Variants in TRDN observed in about 807,000 individuals in gnomAD.
The protein encoded by TRDN is triadin.
A neutral mutation model predicts 149.7 loss-of-function variants in TRDN; 161 were observed. That is an observed-to-expected ratio of 1.08 (90% CI 0.95 to 1.23). The LOEUF (loss-of-function observed/expected upper bound fraction) is 1.23, where lower values mean the gene tolerates loss of function less well. TRDN is among the 50% of genes most tolerant of loss of function. The probability of loss-of-function intolerance (pLI) is 0.00; values close to 1 mark genes in which losing one functional copy is unlikely to be tolerated. For synonymous variants in TRDN, 294 were observed against 250.5 expected, an observed-to-expected ratio of 1.17 and a Z score of -1.64; for missense variants, 896 against 823.5, an observed-to-expected ratio of 1.09 and a Z score of -1.08.
intron 4 of TRDN, among the ~76,000 whole-genome samples, chr6:123,537,547 A>G (rs1780614126): frequency 6.6e-6 from 1 of 152,174 alleles, no homozygotes; most frequent in African/African-American, 2.4e-5. Context: ...CCAAGTGAAG[A>G]TTCACTTCAT....
intron 38 of TRDN, among the ~76,000 whole-genome samples, chr6:123,232,445 G>C (rs576652480): frequency 2.6e-5 from 4 of 152,000 alleles, no homozygotes; most frequent in Non-Finnish European, 4.4e-5. Context: ...TGAAAGAGTA[G>C]AGAGAAATTG....
chr6:123,527,824 G>T (rs1040905165), intron 5 of TRDN, among the ~76,000 whole-genome samples: 3 of 150,992 alleles, frequency 2.0e-5, no homozygotes, highest in Middle Eastern at 3.2e-3. Flanking sequence ...GGTACTGTAT[G>T]TGACCAATAC....
chr6:123,617,137 A>G lies in TRDN; in HGVS notation c.22+19617T>C, dbSNP rs139951949. The stretch of plus-strand genomic sequence containing the variant: ...CCACAGCAGTGTCAGCTTTCTATTA[A>G]TAGGCTCTTATCCAGCTGAAAATGT... On this transcript the variant is annotated intron_variant, in intron 1 of 40. Transcript: ENST00000334268. Among the ~76,000 whole-genome samples, 70 of 152,240 alleles carry G rather than the reference A, an allele frequency of 4.6e-4. No homozygotes were observed. The East Asian group carries it at 8.9e-3, about 19-fold the overall frequency.
chr6:123,570,440 G>A lies in TRDN; in HGVS notation c.232+483C>T, dbSNP rs111708466. Among the ~76,000 whole-genome samples, 356 of 152,264 alleles carry A rather than the reference G, an allele frequency of 2.3e-3. 1 individual carries two copies. The highest frequency in any genetic ancestry group is 7.9e-3 in the African/African-American group (328 of 41,536). On this transcript the variant is annotated intron_variant, in intron 2 of 40. Coordinates refer to ENST00000334268, the MANE Select transcript of TRDN (RefSeq NM_006073.4). Reference sequence around the variant, plus strand: ...TTCAGGAACTCAAAATAGGATGGCCGGTGGCAGAAGCAAAGAGTTTGTCTG... The same window carrying A: ...TTCAGGAACTCAAAATAGGATGGCCAGTGGCAGAAGCAAAGAGTTTGTCTG...
chr6:123,328,481 G>A (rs972931), intron 23 of TRDN, among the ~76,000 whole-genome samples: 86,072 of 152,024 alleles, frequency 0.57, 25,311 homozygotes, highest in East Asian at 0.77. Context: ...GGTTGTTGCC[G>A]TTTTTGTTTC....
At chr6:123,529,192 G>T in intron 5 of TRDN, 2 of 1,547,414 alleles carry the variant, frequency 1.3e-6, no homozygotes, top group South Asian at 2.4e-5. Flanking sequence ...AAATGGTGTG[G>T]AACCAGTTGA....
At chr6:123,501,693 C>T (rs906874473) in intron 8 of TRDN, 4 of 321,164 alleles carry the variant, frequency 1.2e-5, no homozygotes, top group African/African-American at 9.0e-5. Flanking sequence ...CTGAGACTTG[C>T]TTTAGCAATT....
chr6:123,562,298 T>C (rs142711991), intron 2 of TRDN, among the ~76,000 whole-genome samples: 427 of 152,364 alleles, frequency 2.8e-3, no homozygotes, highest in African/African-American at 9.9e-3. Flanking sequence ...ATAAACAGCC[T>C]TGTTGCTCAC....
At chr6:123,571,160 T>G in intron 1 of TRDN, 28 bp from the exon 2 acceptor site, 1 of 1,608,096 alleles carries the variant, frequency 6.2e-7, no homozygotes, top group South Asian at 1.1e-5. Flanking sequence ...AAGGAAAATA[T>G]AATTTAGAGA....
Position 123,577,785 on chromosome 6 carries a change from C to T in TRDN, c.23-6653G>A, listed in dbSNP as rs376267958. 5.3e-5 allele frequency among the ~76,000 whole-genome samples: 8 copies of T among 152,152 alleles called. 1 individual carries two copies. In the South Asian group the frequency reaches 1.5e-3, roughly 28 times the overall value. On this transcript the variant is annotated intron_variant, in intron 1 of 40. Coordinates refer to ENST00000334268, the MANE Select transcript of TRDN (RefSeq NM_006073.4). Reference sequence around the variant, plus strand: ...GTGTATAAGTGTTCCCTTTTCTTTGCGGCCTCACATCTGTTATTTTTTGAC... The same window carrying T: ...GTGTATAAGTGTTCCCTTTTCTTTGTGGCCTCACATCTGTTATTTTTTGAC...
intron 23 of TRDN, among the ~76,000 whole-genome samples, chr6:123,324,561 CA>C (rs1779371646): frequency 6.6e-6 from 1 of 152,086 alleles, no homozygotes; most frequent in Non-Finnish European, 1.5e-5. Flanking sequence ...AGACAGGTTG[CA>C]GTGAGATTGT....
chr6:123,289,255 A>T (rs184715160), intron 24 of TRDN, among the ~76,000 whole-genome samples: 91 of 151,810 alleles, frequency 6.0e-4, no homozygotes, highest in Middle Eastern at 3.4e-3. Flanking sequence ...CTGCATGATT[A>T]TATGTGGAAT....
intron 9 of TRDN, chr6:123,489,013 G>A (rs779403915): frequency 5.3e-5 from 8 of 151,928 alleles, no homozygotes; most frequent in Non-Finnish European, 1.2e-4. Flanking sequence ...TTAGCAACTG[G>A]TACTCACAGA....
At chr6:123,520,532 A>T (rs1380673352) in intron 5 of TRDN, among the ~76,000 whole-genome samples, 1 of 152,142 alleles carries the variant, frequency 6.6e-6, no homozygotes, top group Non-Finnish European at 1.5e-5. Context: ...TCTGTGATCT[A>T]CCTTCCAATA....
chr6:123,307,591 C>T (rs1283491779), intron 24 of TRDN, among the ~76,000 whole-genome samples: 1 of 151,878 alleles, frequency 6.6e-6, no homozygotes, highest in Non-Finnish European at 1.5e-5. Flanking sequence ...ACTGAAAATG[C>T]TCTCCAAACA....
chr6:123,478,153 T>G (rs1777586550), intron 9 of TRDN, among the ~76,000 whole-genome samples: 1 of 152,176 alleles, frequency 6.6e-6, no homozygotes, highest in African/African-American at 2.4e-5. Context: ...TAATCAACTA[T>G]TTGGACAGTC....
chr6:123,313,470 GT>G (rs889776236), intron 24 of TRDN, among the ~76,000 whole-genome samples: 1 of 151,726 alleles, frequency 6.6e-6, no homozygotes, highest in Non-Finnish European at 1.5e-5. Context: ...GGAGATTTTT[GT>G]TTGTTTGTTT....
chr6:123,375,041 A>G (rs758098402), intron 19 of TRDN, among the ~76,000 whole-genome samples: 11 of 152,196 alleles, frequency 7.2e-5, no homozygotes, highest in Admixed American at 6.5e-4. Flanking sequence ...CATCAAACTA[A>G]GAAATATCAA....
At chr6:123,489,328 A>G (rs61577597) in intron 9 of TRDN, among the ~76,000 whole-genome samples, 6,304 of 152,198 alleles carry the variant, frequency 0.041, 395 homozygotes, top group African/African-American at 0.13. Context: ...AAAAACAAAA[A>G]ACACAAGTGA....
Sources: allele counts gnomAD v4.1 joint callset (sites outside exome capture counted in the v4.1 genomes callset), GRCh38; gene constraint gnomAD v4.1.1; transcripts MANE v1.5; gene names NCBI Gene and HGNC (gene_info 2026-07-23, HGNC 2026-07-21).